TEKT1: variants seen among roughly 807,000 people sequenced by gnomAD.
TEKT1 encodes tektin-1.
TEKT1 carries 32 observed loss-of-function variants against 34.8 expected under a neutral mutation model. That is an observed-to-expected ratio of 0.92 (90% CI 0.69 to 1.23). The LOEUF (loss-of-function observed/expected upper bound fraction) is 1.23. Among genes scored for constraint, TEKT1 ranks in the 50% most tolerant of loss-of-function variants. TEKT1 has a pLI of 0.00. For synonymous variants in TEKT1, 207 were observed against 199.8 expected, an observed-to-expected ratio of 1.04 and a Z score of -0.30; for missense variants, 492 against 518.5, an observed-to-expected ratio of 0.95 and a Z score of 0.50.
intron 3 of TEKT1, among the ~76,000 whole-genome samples, chr17:6,816,843 C>T (rs1225062532): frequency 1.3e-5 from 2 of 152,176 alleles, no homozygotes; most frequent in East Asian, 1.9e-4. Flanking sequence ...TTTACCCTCC[C>T]ACCAACAGTG....
In TEKT1 at chr17:6,808,948, G is replaced by A. The variant is rs113299510; in HGVS notation, c.852+3883C>T. 2.6e-5 allele frequency among the ~76,000 whole-genome samples: 4 copies of A among 152,164 alleles called. 1 individual carries two copies. The highest frequency in any genetic ancestry group is 9.6e-5 in the African/African-American group (4 of 41,512). On this transcript the variant is annotated intron_variant, in intron 6 of 7. Coordinates refer to ENST00000338694, the MANE Select transcript of TEKT1 (RefSeq NM_053285.2). ...ATGGCCTATAAACTAAATCCAGTCTGCAACCTGTTTTTGTACAGACTGTGA... is the reference window on the plus strand; with the variant it reads ...ATGGCCTATAAACTAAATCCAGTCTACAACCTGTTTTTGTACAGACTGTGA...
At chr17:6,820,624 G>C (rs1977073803) in intron 2 of TEKT1, among the ~76,000 whole-genome samples, 1 of 152,010 alleles carries the variant, frequency 6.6e-6, no homozygotes, top group Non-Finnish European at 1.5e-5. Context: ...AACCCATCAA[G>C]TAAGCTATCA....
chr17:6,818,268 A>G (rs4796355), intron 3 of TEKT1, among the ~76,000 whole-genome samples: 28,455 of 152,060 alleles, frequency 0.19, 3,010 homozygotes, highest in East Asian at 0.42. Flanking sequence ...TGCATTTGGA[A>G]AAGTTCACTC....
chr17:6,819,582 T>C (rs911785153), intron 2 of TEKT1, among the ~76,000 whole-genome samples: 21 of 152,264 alleles, frequency 1.4e-4, no homozygotes, highest in Non-Finnish European at 8.8e-5. Context: ...CTACACCCAC[T>C]AGTTCTTCAG....
Position 6,812,917 on chromosome 17 carries a change from G to A in TEKT1, c.766C>T (p.Gln256Ter). ...LSQTANDLRK[Q>*]CDVVDTAFKN... ...AATGCCGTGTCCACCACATCACACT[G>A]CTTGCGCAGATCATTGGCTGTCTGG... The change falls in exon 6 of 8, where the codon CAG (glutamine) becomes TAG (stop). Residue 256 changes from glutamine (Q) to a stop codon, truncating the protein, a stop_gained. Transcript: ENST00000338694. LOFTEE classifies it high-confidence loss of function. 6.2e-7 allele frequency: 1 copy of A among 1,614,182 alleles called. No individual in the cohort carries two copies. Among genetic ancestry groups the A allele is most frequent in the Non-Finnish European group, 8.5e-7 (1 of 1,180,038 alleles).
At position 6,811,694 on chromosome 17, in the gene TEKT1, T is replaced by C. The variant is rs1247388930; in HGVS notation, c.852+1137A>G. ...TCAGGATGTGGCAACAGGACAGGGA[T>C]TCAGGGGCTGAGAAGGCCTGGGCTC... is the stretch of plus-strand genomic sequence containing the variant. On this transcript the variant is annotated intron_variant, in intron 6 of 7. Transcript: ENST00000338694. The surrounding 1 kb of genome is among the most constrained non-coding windows in gnomAD (Gnocchi z 4.4). 6.6e-6 allele frequency among the ~76,000 whole-genome samples: 1 copy of C among 152,102 alleles called. No individual in the cohort carries two copies. Among genetic ancestry groups the C allele is most frequent in the East Asian group, 1.9e-4 (1 of 5,176 alleles).
intron 2 of TEKT1, among the ~76,000 whole-genome samples, chr17:6,827,167 T>C (rs1275593041): frequency 6.6e-6 from 1 of 152,172 alleles, no homozygotes; most frequent in East Asian, 1.9e-4. Context: ...ACTTATACTT[T>C]GCTGTCTCAA....
At position 6,799,150 on chromosome 17, in the gene TEKT1, A is replaced by G. The variant is rs1976732807; in HGVS notation, c.*877T>C. The G allele has an allele frequency of 6.6e-6, 1 of 152,216 alleles. No homozygotes were observed. The highest frequency in any genetic ancestry group is 6.5e-5 in the Admixed American group (1 of 15,284). The allele number at this position is 152,216 out of a possible 1,614,324, so 9.4% of individuals were successfully genotyped here. A position where few individuals can be genotyped will look rare whatever the true frequency, so the allele number is the denominator to read the frequency against. ...GACCTGCTGCAGCTCAGCGGAAGGC[A>G]GCCTCCCACAAGTTGAACTCTTTTT... On this transcript the variant is annotated 3_prime_UTR_variant, in exon 8 of 8. Transcript: ENST00000338694.
rs369071973 is a variant in TEKT1 at position 6,830,205 on chromosome 17, C to T, written c.172G>A (p.Asp58Asn). The T allele has an allele frequency of 3.7e-6, 6 of 1,609,426 alleles. No homozygotes were observed. Among genetic ancestry groups the T allele is most frequent in the African/African-American group, 2.7e-5 (2 of 74,542 alleles). ...IEKTTRKSQS[D>N]VNKKLEQRLE... Reference sequence around the variant, plus strand: ...GTCTTACCTAGTTTCTTGTTCACATCGCTTTGAGATTTTCTTGTGGTCTTT... The same window carrying T: ...GTCTTACCTAGTTTCTTGTTCACATTGCTTTGAGATTTTCTTGTGGTCTTT... Residue 58 changes from aspartate to asparagine, a missense_variant, in exon 2 of 8, where the codon GAT becomes AAT. By Grantham distance (23) the Asp-to-Asn change is conservative (BLOSUM62 1). Coordinates refer to ENST00000338694, the MANE Select transcript of TEKT1 (RefSeq NM_053285.2).
chr17:6,828,202 C>T (rs1904466311), intron 2 of TEKT1, among the ~76,000 whole-genome samples: 1 of 152,200 alleles, frequency 6.6e-6, no homozygotes, highest in South Asian at 2.1e-4. Flanking sequence ...CGTTGGCCTC[C>T]CAAAGTGCTG....
At chr17:6,804,607 T>C (rs1261128910) in intron 6 of TEKT1, among the ~76,000 whole-genome samples, 4 of 152,244 alleles carry the variant, frequency 2.6e-5, no homozygotes, top group Non-Finnish European at 5.9e-5. Flanking sequence ...TTCTTATAGA[T>C]AGCTCTTATT....
intron 2 of TEKT1, among the ~76,000 whole-genome samples, chr17:6,823,853 C>T (rs1298655692): frequency 2.3e-5 from 3 of 130,120 alleles, no homozygotes; most frequent in South Asian, 2.7e-4. Flanking sequence ...GACAGAGTCT[C>T]ACTCTTTCAC....
At chr17:6,816,584 G>C (rs1977011063) in intron 3 of TEKT1, among the ~76,000 whole-genome samples, 1 of 152,268 alleles carries the variant, frequency 6.6e-6, no homozygotes, top group Admixed American at 6.5e-5. Flanking sequence ...TGGCTGCATA[G>C]TATTCCATGG....
chr17:6,800,792 T>TAG lies in TEKT1; in HGVS notation c.1003_1004insCT (p.Tyr335SerfsTer4). ...CTCTTGAACCTCCTTCATTAGCCTA[T>TAG]ATTGTGCGACATCACGACACAGCTC... On this transcript the variant is annotated frameshift_variant, in exon 7 of 8. Transcript: ENST00000338694. LOFTEE classifies it low-confidence loss of function (END_TRUNC). 6.2e-7 allele frequency: 1 copy of TAG among 1,614,150 alleles called. No individual in the cohort carries two copies. Among genetic ancestry groups the TAG allele is most frequent in the Non-Finnish European group, 8.5e-7 (1 of 1,180,020 alleles).
intron 2 of TEKT1, among the ~76,000 whole-genome samples, chr17:6,823,620 C>T (rs1338085368): frequency 6.6e-6 from 1 of 152,120 alleles, no homozygotes; most frequent in African/African-American, 2.4e-5. Flanking sequence ...TGGGCATCTT[C>T]CCATTGACAC....
intron 3 of TEKT1, among the ~76,000 whole-genome samples, chr17:6,817,699 C>T (rs1977025369): frequency 6.6e-6 from 1 of 152,162 alleles, no homozygotes; most frequent in South Asian, 2.1e-4. Flanking sequence ...AGGAGGTTCC[C>T]CTACTCACTA....
At chr17:6,807,427 C>T (rs1976861889) in intron 6 of TEKT1, among the ~76,000 whole-genome samples, 1 of 152,130 alleles carries the variant, frequency 6.6e-6, no homozygotes. Flanking sequence ...CCTCCTTTAG[C>T]TCAGAGTAGT....
intron 2 of TEKT1, among the ~76,000 whole-genome samples, chr17:6,827,533 G>A (rs1904445763): frequency 6.6e-6 from 1 of 152,056 alleles, no homozygotes; most frequent in Admixed American, 6.6e-5. Flanking sequence ...CAAAGTGCTG[G>A]GAGCCAGGCA....
chr17:6,807,463 C>G (rs1472457392), intron 6 of TEKT1, among the ~76,000 whole-genome samples: 1 of 152,202 alleles, frequency 6.6e-6, no homozygotes, highest in African/African-American at 2.4e-5. Flanking sequence ...CTTCTTCTCT[C>G]AACTTGTCAA....
Sources: gnomAD v4.1 joint callset for allele counts (sites outside exome capture counted in the v4.1 genomes callset) on GRCh38, gnomAD v4.1.1 for gene constraint, Gnocchi (gnomAD v3.1) non-coding constraint, MANE v1.5 for transcripts, NCBI Gene and HGNC (gene_info 2026-07-23, HGNC 2026-07-21) for gene names.